Variants in CD163 observed in about 807,000 individuals in gnomAD.
The protein encoded by CD163 is scavenger receptor cysteine-rich type 1 protein M130.
A neutral mutation model predicts 129.2 loss-of-function variants in CD163; 64 were observed. The ratio of observed to expected loss-of-function variants is 0.50; its 90% CI spans 0.41 to 0.61. CD163 has a LOEUF of 0.61. Ranked by LOEUF, CD163 falls within the 20% of genes least tolerant of loss-of-function variation. CD163 has a pLI of 0.00. For missense variants in CD163, 1,061 were observed against 1,377.9 expected (o/e 0.77, Z 3.64); for synonymous variants, 446 against 478.5 (o/e 0.93, Z 0.89).
intron 6 of CD163, among the ~76,000 whole-genome samples, chr12:7,493,408 G>T (rs771786287): frequency 6.6e-6 from 1 of 152,070 alleles, no homozygotes; most frequent in African/African-American, 2.4e-5. Context: ...CTTCCTGTCC[G>T]GTAGGATTTG....
chr12:7,500,621 C>T (rs1949471040), intron 3 of CD163, among the ~76,000 whole-genome samples: 1 of 152,028 alleles, frequency 6.6e-6, no homozygotes, highest in Non-Finnish European at 1.5e-5. Context: ...AATGAAATGA[C>T]TAGCATTGCA....
rs761820300 is a variant in CD163, at chr12:7,482,768, T to C, written c.3128-6A>G. The stretch of plus-strand genomic sequence containing the variant: ...TGACTGACGGGATGAGCGACCTAAG[T>C]AAAAGTAAATATCAAGAGATATGAT... On this transcript the variant is annotated splice_polypyrimidine_tract_variant and splice_region_variant and intron_variant, in intron 13 of 16. Transcript: ENST00000432237. 5 of 1,613,740 alleles carry C rather than the reference T, an allele frequency of 3.1e-6. No individual in the cohort carries two copies. The East Asian group carries it at 8.9e-5, about 29-fold the overall frequency.
intron 1 of CD163, 69 bp from the exon 2 acceptor site, chr12:7,502,633 T>G: frequency 1.2e-6 from 1 of 816,542 alleles, no homozygotes; most frequent in Non-Finnish European, 2.1e-6. Flanking sequence ...ATAGATGGTT[T>G]CAGAGGTTAA....
rs999114966 is a variant in CD163, at chr12:7,485,483, C to T, written c.2459-67G>A. On this transcript the variant is annotated intron_variant, in intron 10 of 16. Coordinates refer to ENST00000432237, the MANE Select transcript of CD163 (RefSeq NM_203416.4). This position sits in a 1 kb window ranked among gnomAD's most constrained non-coding sequence, Gnocchi z 4.5. ...AAGATTCAGAGACTCCTTCCCTTTA[C>T]CTTGATGTAAGAATGGCTTTAAAAA... is the stretch of plus-strand genomic sequence containing the variant. 1.6e-6 allele frequency: 2 copies of T among 1,284,108 alleles called. No homozygotes were observed. The highest frequency in any genetic ancestry group is 2.2e-6 in the Non-Finnish European group (2 of 912,798). 79.5% of individuals were successfully genotyped at this position (1,284,108 alleles called of 1,614,324 possible). A position where few individuals can be genotyped will look rare whatever the true frequency, so the allele number is the denominator to read the frequency against.
At chr12:7,483,118 C>T (rs1169982695) in intron 12 of CD163, 114 bp from the exon 13 acceptor site, 2 of 1,060,182 alleles carry the variant, frequency 1.9e-6, no homozygotes, top group East Asian at 2.4e-5. Flanking sequence ...TGACTCTTTC[C>T]CACCTAAAAC....
At chr12:7,483,771 A>AC in intron 11 of CD163, 96 bp from the exon 12 acceptor site, 1 of 589,260 alleles carries the variant, frequency 1.7e-6, no homozygotes, top group African/African-American at 1.9e-5. Context: ...AAAAAAAAAA[A>AC]AAAACTATTT....
chr12:7,479,284 G>A (rs1219635303), intron 16 of CD163, among the ~76,000 whole-genome samples: 2 of 151,880 alleles, frequency 1.3e-5, no homozygotes, highest in Non-Finnish European at 2.9e-5. Flanking sequence ...CAGTGCTCAC[G>A]GTGCCACTTG....
chr12:7,498,146 C>CAGAGAG (rs1555079445), intron 4 of CD163, among the ~76,000 whole-genome samples: 2 of 148,950 alleles, frequency 1.3e-5, no homozygotes, highest in Middle Eastern at 3.5e-3. Context: ...CACACACACA[C>CAGAGAG]AGAGAGAGAG....
intron 6 of CD163, among the ~76,000 whole-genome samples, chr12:7,492,742 G>A (rs2136722174): frequency 6.6e-6 from 1 of 152,218 alleles, no homozygotes; most frequent in Non-Finnish European, 1.5e-5. Context: ...TGCAGGTGTT[G>A]TATATTGTTA....
At position 7,488,015 on chromosome 12, in the gene CD163, G is replaced by A. The variant is rs143287536; in HGVS notation, c.1493C>T (p.Thr498Met). The part of the protein sequence containing the change: ...SGRVEVKHGD[T>M]WGSICDSDFS... Reference sequence around the variant, plus strand: ...GTCCGAATCACAGATGGAGCCCCACGTGTCACCATGCTTCACTTCAACACG... The same window carrying A: ...GTCCGAATCACAGATGGAGCCCCACATGTCACCATGCTTCACTTCAACACG... The change falls in exon 7 of 17, where the codon ACG becomes ATG. Residue 498 changes from threonine (T) to methionine (M), a missense_variant. By Grantham distance (81) the Thr-to-Met change is moderately conservative (BLOSUM62 -1). Transcript: ENST00000432237. 3.2e-5 allele frequency: 51 copies of A among 1,613,940 alleles called. No individual in the cohort carries two copies. Among genetic ancestry groups the A allele is most frequent in the Non-Finnish European group, 3.9e-5 (46 of 1,179,992 alleles).
chr12:7,485,064 T>G lies in CD163; in HGVS notation c.2779+32A>C. Reference sequence around the variant, plus strand: ...AGAAGATGATAGCGGGGCTGCAGAATGGAATTTTCATATAGGTCGATGGAT... The same window carrying G: ...AGAAGATGATAGCGGGGCTGCAGAAGGGAATTTTCATATAGGTCGATGGAT... On this transcript the variant is annotated intron_variant, in intron 11 of 16. Coordinates refer to ENST00000432237, the MANE Select transcript of CD163 (RefSeq NM_203416.4). The surrounding 1 kb of genome is among the most constrained non-coding windows in gnomAD (Gnocchi z 4.5). 1.9e-6 allele frequency: 3 copies of G among 1,540,370 alleles called. No individual in the cohort carries two copies. The highest frequency in any genetic ancestry group is 2.6e-6 in the Non-Finnish European group (3 of 1,140,106).
At chr12:7,488,586 C>T (rs1168312024) in intron 6 of CD163, among the ~76,000 whole-genome samples, 1 of 152,162 alleles carries the variant, frequency 6.6e-6, no homozygotes, top group Non-Finnish European at 1.5e-5. Context: ...CGTGACCCTT[C>T]TTGTCCCATT....
chr12:7,482,794 C>A, intron 13 of CD163, 32 bp from the exon 14 acceptor site: 1 of 1,611,240 alleles, frequency 6.2e-7, no homozygotes, highest in South Asian at 1.1e-5. Context: ...GAGATATGAT[C>A]ATGTCTTATC....
chr12:7,480,833 AAGTT>A, intron 15 of CD163: 1 of 967,066 alleles, frequency 1.0e-6, no homozygotes. Context: ...TTAAAGAAAA[AAGTT>A]AAACTGTCAC....
intron 14 of CD163, among the ~76,000 whole-genome samples, chr12:7,481,948 T>G (rs1434243879): frequency 6.6e-6 from 1 of 152,124 alleles, no homozygotes; most frequent in African/African-American, 2.4e-5. Context: ...TGTTCGAAAT[T>G]TGTCCCCAAG....
intron 16 of CD163, among the ~76,000 whole-genome samples, chr12:7,473,530 A>AT (rs1949037840): frequency 6.6e-6 from 1 of 152,192 alleles, no homozygotes; most frequent in African/African-American, 2.4e-5. Flanking sequence ...ATGCTGAGGG[A>AT]TTTTGTCACC....
rs7974827 is a variant in CD163, at chr12:7,477,321, G to C, written c.*31+2539C>G. 4.3e-3 allele frequency among the ~76,000 whole-genome samples: 656 copies of C among 152,118 alleles called. 5 individuals carry two copies. The highest frequency in any genetic ancestry group is 0.015 in the African/African-American group (619 of 41,486). On this transcript the variant is annotated intron_variant, in intron 16 of 16. Transcript: ENST00000432237. ...TTGCAGCACTATTCACAATAGCAAA[G>C]ACATGGAACCAACTTAAATGCCCAT...
chr12:7,482,286 G>A (rs772762875), intron 14 of CD163, among the ~76,000 whole-genome samples: 5 of 152,232 alleles, frequency 3.3e-5, no homozygotes, highest in African/African-American at 1.2e-4. Flanking sequence ...TAATGTTCCA[G>A]TTAAGCATGT....
chr12:7,496,679 G>A lies in CD163; in HGVS notation c.1099+134C>T. On this transcript the variant is annotated intron_variant, in intron 5 of 16. Coordinates refer to ENST00000432237, the MANE Select transcript of CD163 (RefSeq NM_203416.4). This position sits in a 1 kb window ranked among gnomAD's most constrained non-coding sequence, Gnocchi z 4.8. ...TGTGTCAAAGATTACAGGTATAAAG[G>A]AATTCCCAGCAAGGAATTTACTAGG... is the stretch of plus-strand genomic sequence containing the variant. 4.2e-6 allele frequency: 3 copies of A among 706,004 alleles called. No homozygotes were observed. The South Asian group carries it at 5.1e-5, about 12-fold the overall frequency. 43.7% of individuals were successfully genotyped at this position (706,004 alleles called of 1,614,324 possible).
Sources: gnomAD v4.1 joint callset for allele counts (sites outside exome capture counted in the v4.1 genomes callset) on GRCh38, gnomAD v4.1.1 for gene constraint, Gnocchi (gnomAD v3.1) non-coding constraint, MANE v1.5 for transcripts, NCBI Gene and HGNC (gene_info 2026-07-23, HGNC 2026-07-21) for gene names.